ITGB8: variants seen among roughly 807,000 people sequenced by gnomAD.
ITGB8 encodes integrin beta-8.
A neutral mutation model predicts 89.5 loss-of-function variants in ITGB8; 30 were observed. The observed-to-expected ratio is 0.34, with a 90% CI of 0.25 to 0.45. The LOEUF is 0.45. Among genes scored for constraint, ITGB8 ranks in the 20% least tolerant of loss-of-function variants. ITGB8 has a pLI of 1.00. For synonymous variants in ITGB8, 335 were observed against 320.4 expected (o/e 1.05, Z -0.49); for missense variants, 836 against 933.3 (o/e 0.90, Z 1.36).
In ITGB8 at chr7:20,410,095, C is replaced by A; in HGVS notation, c.*98C>A. On this transcript the variant is annotated 3_prime_UTR_variant, in exon 14 of 14. Transcript: ENST00000222573. ...GTCACAGGAGGAGACAAATTGCTCA[C>A]GGTCATGCCAGTTGCTGGTTGTACA... 8.1e-7 allele frequency: 1 copy of A among 1,228,570 alleles called. No individual in the cohort carries two copies. Among genetic ancestry groups the A allele is most frequent in the Non-Finnish European group, 1.1e-6 (1 of 870,196 alleles). 76.1% of individuals were successfully genotyped at this position (1,228,570 alleles called of 1,614,324 possible).
chr7:20,372,909 C>T (rs766569741), intron 3 of ITGB8, among the ~76,000 whole-genome samples: 15 of 152,054 alleles, frequency 9.9e-5, no homozygotes, highest in Non-Finnish European at 7.4e-5. Flanking sequence ...AAGACATATC[C>T]GTCTTAGGGC....
rs753755639 is a variant in ITGB8, at chr7:20,363,654, T to A, written c.145T>A (p.Ser49Thr). ...CATTGCAGAAGACAATAGATGTGCA[T>A]CTTCAAATGCAGCATCCTGTGCCAG... ...LGQGEDNRCA[S>T]SNAASCARCL... is the part of the protein sequence containing the mutation. The change falls in exon 2 of 14, where the codon TCT becomes ACT. Residue 49 changes from serine to threonine, a missense_variant. This residue lies in a region of ITGB8 where 182 missense variants were observed against 177.0 expected (regional missense o/e 1.03). Coordinates refer to ENST00000222573, the MANE Select transcript of ITGB8 (RefSeq NM_002214.3). 5.0e-6 allele frequency: 8 copies of A among 1,600,566 alleles called. No individual in the cohort carries two copies. Among genetic ancestry groups the A allele is most frequent in the Non-Finnish European group, 6.8e-6 (8 of 1,174,944 alleles).
At chr7:20,340,683 A>AT (rs147825459) in intron 1 of ITGB8, among the ~76,000 whole-genome samples, 5 of 151,192 alleles carry the variant, frequency 3.3e-5, no homozygotes, top group East Asian at 1.9e-4. Flanking sequence ...AGGTAAAGGC[A>AT]TTTTTTTTTC....
chr7:20,339,017 C>A (rs1056643453), intron 1 of ITGB8, among the ~76,000 whole-genome samples: 2 of 151,906 alleles, frequency 1.3e-5, no homozygotes, highest in African/African-American at 4.8e-5. Flanking sequence ...CAGGGTGAAA[C>A]CCTGTCTCTA....
chr7:20,391,819 C>T (rs1399695013), intron 7 of ITGB8, among the ~76,000 whole-genome samples: 1 of 152,158 alleles, frequency 6.6e-6, no homozygotes, highest in African/African-American at 2.4e-5. Context: ...AGTTCACAAT[C>T]CGTCTTTGCA....
intron 7 of ITGB8, among the ~76,000 whole-genome samples, chr7:20,392,455 A>G (rs1420205839): frequency 6.6e-6 from 1 of 152,082 alleles, no homozygotes; most frequent in East Asian, 1.9e-4. Flanking sequence ...CCTATTACCT[A>G]CCTACCTTAT....
intron 4 of ITGB8, chr7:20,380,005 C>A (rs1314498593): frequency 6.6e-6 from 1 of 152,138 alleles, no homozygotes; most frequent in East Asian, 1.9e-4. Context: ...CTTTATCTTT[C>A]TTGCTTCTAC....
chr7:20,411,826 T>G lies in ITGB8; in HGVS notation c.*1829T>G, dbSNP rs76904726. The G allele has an allele frequency of 6.6e-6, 1 of 152,216 alleles. No homozygotes were observed. Among genetic ancestry groups the G allele is most frequent in the African/African-American group, 2.4e-5 (1 of 41,422 alleles). 9.4% of individuals were successfully genotyped at this position (152,216 alleles called of 1,614,324 possible). On this transcript the variant is annotated 3_prime_UTR_variant, in exon 14 of 14. Coordinates refer to ENST00000222573, the MANE Select transcript of ITGB8 (RefSeq NM_002214.3). ...TTCGCACCATAGCCTGTATGAACAG[T>G]GTTCCCTGGAGTTCTCCAGTGCTCA... is the stretch of plus-strand genomic sequence containing the variant.
intron 7 of ITGB8, among the ~76,000 whole-genome samples, chr7:20,393,612 C>T (rs1367541592): frequency 2.6e-5 from 4 of 152,192 alleles, no homozygotes; most frequent in African/African-American, 9.6e-5. Flanking sequence ...GCCTTTCTGG[C>T]CTCATTGCCC....
Position 20,412,886 on chromosome 7 carries a change from C to T in ITGB8, c.*2889C>T, listed in dbSNP as rs1787812327. 6.6e-6 allele frequency: 1 copy of T among 152,374 alleles called. No homozygotes were observed. The highest frequency in any genetic ancestry group is 1.5e-5 in the Non-Finnish European group (1 of 67,970). The allele number at this position is 152,374 out of a possible 1,614,324, so 9.4% of individuals were successfully genotyped here. A position where few individuals can be genotyped will look rare whatever the true frequency, so the allele number is the denominator to read the frequency against. On this transcript the variant is annotated 3_prime_UTR_variant, in exon 14 of 14. Transcript: ENST00000222573. ...AGAGTCTATTTTCAACTAATATGGCCACAGGAGCCTTTTGAGATTCATTGA... is the reference window on the plus strand; with the variant it reads ...AGAGTCTATTTTCAACTAATATGGCTACAGGAGCCTTTTGAGATTCATTGA...
intron 3 of ITGB8, among the ~76,000 whole-genome samples, chr7:20,368,322 A>G (rs922216869): frequency 1.3e-5 from 2 of 152,228 alleles, no homozygotes; most frequent in African/African-American, 2.4e-5. Flanking sequence ...TCGTAAATAA[A>G]TTCTTTTTTA....
intron 11 of ITGB8, among the ~76,000 whole-genome samples, chr7:20,405,164 G>A (rs2127985632): frequency 6.6e-6 from 1 of 151,996 alleles, no homozygotes; most frequent in Non-Finnish European, 1.5e-5. Context: ...CTGTGCCTCA[G>A]TTTCCTGATA....
At chr7:20,389,884 C>T (rs1786784012) in intron 6 of ITGB8, among the ~76,000 whole-genome samples, 1 of 150,778 alleles carries the variant, frequency 6.6e-6, no homozygotes, top group Non-Finnish European at 1.5e-5. Context: ...AAGAATTGCT[C>T]TGAGAAAAAC....
chr7:20,362,150 T>TA (rs1785526664), intron 1 of ITGB8, among the ~76,000 whole-genome samples: 1 of 152,214 alleles, frequency 6.6e-6, no homozygotes, highest in South Asian at 2.1e-4. Flanking sequence ...ACTCTTCTCC[T>TA]ACTACCTTCC....
intron 1 of ITGB8, among the ~76,000 whole-genome samples, chr7:20,340,801 A>ACT (rs1784732799): frequency 6.6e-6 from 1 of 152,226 alleles, no homozygotes; most frequent in Non-Finnish European, 1.5e-5. Flanking sequence ...GGAATGAGGG[A>ACT]TTACCACTAT....
intron 10 of ITGB8, among the ~76,000 whole-genome samples, chr7:20,403,707 A>G (rs1170264712): frequency 6.6e-6 from 1 of 151,938 alleles, no homozygotes; most frequent in Admixed American, 6.6e-5. Context: ...GCAATAAAAG[A>G]AGAGAGAGAG....
At chr7:20,363,796 G>A in intron 2 of ITGB8, 74 bp downstream of exon 2, 2 of 795,708 alleles carry the variant, frequency 2.5e-6, no homozygotes, top group Non-Finnish European at 1.9e-6. Flanking sequence ...CTAATATTCT[G>A]TGCCTTGAAG....
chr7:20,382,047 A>C, intron 6 of ITGB8, 162 bp downstream of exon 6: 1 of 519,266 alleles, frequency 1.9e-6, no homozygotes, highest in South Asian at 3.6e-5. Flanking sequence ...GCAATCTATA[A>C]ATACTGATCA....
chr7:20,407,220 A>C (rs918029088), intron 12 of ITGB8, among the ~76,000 whole-genome samples: 2 of 143,424 alleles, frequency 1.4e-5, no homozygotes, highest in African/African-American at 5.1e-5. Flanking sequence ...AAAACTAACC[A>C]CTCAGCCACA....
Sources: gnomAD v4.1 joint callset for allele counts (sites outside exome capture counted in the v4.1 genomes callset) on GRCh38, gnomAD v4.1.1 for gene constraint, gnomAD v4.1.1 regional missense constraint, MANE v1.5 for transcripts, NCBI Gene and HGNC (gene_info 2026-07-23, HGNC 2026-07-21) for gene names.